Variants in SNX24 observed in about 807,000 individuals in gnomAD.
SNX24 encodes the protein sorting nexin-24.
Under a neutral mutation model 28.7 loss-of-function variants are expected in SNX24, and 22 were observed. The observed-to-expected ratio is 0.77, with a 90% confidence interval of 0.55 to 1.10. The LOEUF (loss-of-function observed/expected upper bound fraction) is 1.10. Ranked by LOEUF, SNX24 falls within the 50% of genes least tolerant of loss-of-function variation. SNX24 has a pLI of 0.00. For synonymous variants in SNX24, 69 were observed against 71.5 expected, an observed-to-expected ratio of 0.96 and a Z score of 0.18; for missense variants, 221 against 201.1, an observed-to-expected ratio of 1.10 and a Z score of -0.60.
chr5:122,945,460 C>T (rs534925688), intron 2 of SNX24, among the ~76,000 whole-genome samples: 2 of 152,322 alleles, frequency 1.3e-5, no homozygotes, highest in East Asian at 3.9e-4. Flanking sequence ...ATATTATCCC[C>T]TAAAACTGCT....
intron 3 of SNX24, among the ~76,000 whole-genome samples, chr5:122,983,771 AT>A (rs1761485814): frequency 6.6e-6 from 1 of 152,180 alleles, no homozygotes; most frequent in Non-Finnish European, 1.5e-5. Context: ...TGCCCTGTTA[AT>A]TTTTAAAAAA....
At chr5:122,854,676 C>CT (rs1755101982) in intron 1 of SNX24, among the ~76,000 whole-genome samples, 2 of 152,054 alleles carry the variant, frequency 1.3e-5, no homozygotes, top group East Asian at 1.9e-4. Flanking sequence ...TTTCAACTTG[C>CT]TTTTTTTACT....
intron 1 of SNX24, among the ~76,000 whole-genome samples, chr5:122,865,104 T>C (rs1755656315): frequency 6.6e-6 from 1 of 152,232 alleles, no homozygotes; most frequent in African/African-American, 2.4e-5. Context: ...AGGAGAAGAC[T>C]GTGGGTAGAG....
chr5:122,962,407 CT>C (rs1318004889), intron 3 of SNX24, among the ~76,000 whole-genome samples: 7 of 152,290 alleles, frequency 4.6e-5, no homozygotes, highest in Non-Finnish European at 7.4e-5. Context: ...GACATATCAC[CT>C]TTAAATGATA....
At chr5:122,890,487 T>TTTG (rs10696087) in intron 1 of SNX24, among the ~76,000 whole-genome samples, 1 of 151,196 alleles carries the variant, frequency 6.6e-6, no homozygotes, top group Non-Finnish European at 1.5e-5. Context: ...TTTTTTTTTT[T>TTTG]GACACGGAAT....
intron 1 of SNX24, among the ~76,000 whole-genome samples, chr5:122,903,707 A>G (rs1757534203): frequency 6.6e-6 from 1 of 152,164 alleles, no homozygotes; most frequent in Non-Finnish European, 1.5e-5. Context: ...GTTTTGGTTT[A>G]CTGTGGTGTA....
At chr5:122,977,612 T>G (rs1267091891) in intron 3 of SNX24, among the ~76,000 whole-genome samples, 1 of 152,170 alleles carries the variant, frequency 6.6e-6, no homozygotes, top group Non-Finnish European at 1.5e-5. Context: ...CACTGGAAAT[T>G]TCTGCCTTTA....
intron 3 of SNX24, among the ~76,000 whole-genome samples, chr5:122,958,989 C>T (rs2150136599): frequency 6.6e-6 from 1 of 152,260 alleles, no homozygotes; most frequent in African/African-American, 2.4e-5. Context: ...CCTTTGGTAT[C>T]AGGGTAATGC....
At chr5:123,017,793 G>C (rs1762704897) in intron 5 of SNX24, among the ~76,000 whole-genome samples, 1 of 152,110 alleles carries the variant, frequency 6.6e-6, no homozygotes, top group Non-Finnish European at 1.5e-5. Context: ...TACCATATGA[G>C]ACGTGCCTTT....
At chr5:122,999,825 A>T (rs1318446084) in intron 3 of SNX24, 87 bp from the exon 4 acceptor site, 8 of 817,766 alleles carry the variant, frequency 9.8e-6, no homozygotes, top group African/African-American at 1.7e-5. Context: ...ACTTTGATGG[A>T]CGGTTATGAC....
At chr5:123,027,465 G>A (rs1038519727) in intron 5 of SNX24, among the ~76,000 whole-genome samples, 2 of 152,324 alleles carry the variant, frequency 1.3e-5, no homozygotes, top group South Asian at 4.1e-4. Context: ...CCTATGGCAG[G>A]AAGGTGGGAT....
intron 1 of SNX24, among the ~76,000 whole-genome samples, chr5:122,929,041 GT>G (rs1758834572): frequency 6.6e-6 from 1 of 151,752 alleles, no homozygotes; most frequent in East Asian, 2.0e-4. Context: ...AGTAAGGTCT[GT>G]TAGGGGTTTT....
intron 5 of SNX24, among the ~76,000 whole-genome samples, chr5:123,015,386 G>T (rs139000948): frequency 1.4e-3 from 217 of 152,344 alleles, no homozygotes; most frequent in Middle Eastern, 3.4e-3. Context: ...AACAGTGACT[G>T]TGTATAGTTT....
intron 1 of SNX24, among the ~76,000 whole-genome samples, chr5:122,854,906 T>TA (rs976396667): frequency 2.0e-5 from 3 of 152,152 alleles, no homozygotes; most frequent in African/African-American, 7.2e-5. Context: ...GCATTATGTC[T>TA]AAAAAAATGT....
At chr5:122,928,840 C>T (rs1236522982) in intron 1 of SNX24, among the ~76,000 whole-genome samples, 1 of 145,228 alleles carries the variant, frequency 6.9e-6, no homozygotes, top group Non-Finnish European at 1.5e-5. Context: ...TAAAATAATA[C>T]TTGAGCAGAG....
intron 2 of SNX24, among the ~76,000 whole-genome samples, chr5:122,938,335 G>T (rs1581772896): frequency 6.6e-6 from 1 of 152,082 alleles, no homozygotes; most frequent in African/African-American, 2.4e-5. Flanking sequence ...GATTTTCCAG[G>T]ATTCTCTCTT....
intron 3 of SNX24, among the ~76,000 whole-genome samples, chr5:122,963,820 C>T (rs1760587184): frequency 6.6e-6 from 1 of 152,150 alleles, no homozygotes; most frequent in Non-Finnish European, 1.5e-5. Flanking sequence ...AAATTCTCTC[C>T]TTGCAGGTTA....
chr5:123,009,998 C>T (rs540425296), downstream of SNX24, among the ~76,000 whole-genome samples: 17 of 152,282 alleles, frequency 1.1e-4, no homozygotes, highest in South Asian at 4.1e-4. Flanking sequence ...ACGGAGCTCC[C>T]AGGAAATATA....
chr5:122,917,167 G>A (rs1224132504), intron 1 of SNX24, among the ~76,000 whole-genome samples: 1 of 150,886 alleles, frequency 6.6e-6, no homozygotes, highest in Non-Finnish European at 1.5e-5. Context: ...TGAGGCAGGA[G>A]AACAGCTTGA....
Sources: gnomAD v4.1 joint callset for allele counts (sites outside exome capture counted in the v4.1 genomes callset) on GRCh38, gnomAD v4.1.1 for gene constraint, MANE v1.5 for transcripts, NCBI Gene and HGNC (gene_info 2026-07-23, HGNC 2026-07-21) for gene names.